Variants in CCDC66 observed in about 807,000 individuals in gnomAD.
CCDC66 encodes coiled-coil domain-containing protein 66.
A neutral mutation model predicts 128.3 loss-of-function variants in CCDC66; 133 were observed. That is an observed-to-expected ratio of 1.04 (90% CI 0.90 to 1.20). The LOEUF (loss-of-function observed/expected upper bound fraction) is 1.20. Ranked by LOEUF, CCDC66 falls within the 50% of genes most tolerant of loss-of-function variation. The probability of loss-of-function intolerance (pLI) is 0.00; values close to 1 mark genes in which losing one functional copy is unlikely to be tolerated. For synonymous variants in CCDC66, 387 were observed against 357.0 expected, an observed-to-expected ratio of 1.08 and a Z score of -0.95; for missense variants, 1,126 against 1,075.5, an observed-to-expected ratio of 1.05 and a Z score of -0.66.
intron 3 of CCDC66, chr3:56,561,466 A>C (rs888588390): frequency 8.8e-5 from 29 of 329,978 alleles, no homozygotes; most frequent in South Asian, 5.8e-4. Flanking sequence ...AAGGTGTTTT[A>C]GAATTTTTTT....
rs372384637 is a variant in CCDC66 at position 56,593,063 on chromosome 3, C to A, written c.1030C>A (p.Arg344Ser). ...GTTGAATAAGCAAATAGAAGATGAC[C>A]GTCAAAGAAAAATAGAGGAAAAAAT... ...EELNKQIEDD[R>S]QRKIEEKIIY... The change falls in exon 8 of 18, where the codon CGT (arginine) becomes AGT (serine). Residue 344 changes from arginine (R) to serine (S), a missense_variant. Coordinates refer to ENST00000394672, the MANE Select transcript of CCDC66 (RefSeq NM_001141947.3). The A allele has an allele frequency of 6.2e-7, 1 of 1,603,396 alleles. No individual in the cohort carries two copies. Among genetic ancestry groups the A allele is most frequent in the Non-Finnish European group, 8.5e-7 (1 of 1,174,260 alleles).
intron 7 of CCDC66, among the ~76,000 whole-genome samples, chr3:56,581,007 T>C (rs2068264874): frequency 6.6e-6 from 1 of 151,890 alleles, no homozygotes; most frequent in Admixed American, 6.6e-5. Context: ...CAGAGTGTTT[T>C]CCAACTTGGT....
At chr3:56,587,645 C>T (rs747904157) in intron 7 of CCDC66, among the ~76,000 whole-genome samples, 55 of 152,110 alleles carry the variant, frequency 3.6e-4, no homozygotes, top group East Asian at 7.7e-4. Flanking sequence ...CCTAGGCAGG[C>T]GGATTACCTG....
chr3:56,594,198 A>T (rs73081854), intron 10 of CCDC66, among the ~76,000 whole-genome samples, 170 bp downstream of exon 10: 58,066 of 152,030 alleles, frequency 0.38, 13,685 homozygotes, highest in Non-Finnish European at 0.54. Context: ...TATTAGAATT[A>T]GCTTATCAAA....
chr3:56,595,183 G>A (rs190158637), intron 10 of CCDC66, among the ~76,000 whole-genome samples: 6 of 152,246 alleles, frequency 3.9e-5, no homozygotes, highest in Admixed American at 6.5e-5. Flanking sequence ...TGTAGAATGC[G>A]TAATGATTCA....
At chr3:56,557,805 A>G (rs541150029) in intron 1 of CCDC66, 1 of 152,976 alleles carries the variant, frequency 6.5e-6, no homozygotes, top group South Asian at 2.0e-4. Context: ...CATCACTCGC[A>G]AGTTTGATAT....
rs539235843 is a variant in CCDC66 at position 56,566,525 on chromosome 3, A to G, written c.545-69A>G. On this transcript the variant is annotated intron_variant, in intron 4 of 17. Coordinates refer to ENST00000394672, the MANE Select transcript of CCDC66 (RefSeq NM_001141947.3). ...CGTGTAAGACATGTAAGAACTGTAT[A>G]GCACTATGCCAAGTATTATAACAGA... 1.4e-4 allele frequency: 146 copies of G among 1,013,766 alleles called. 1 individual carries two copies. The South Asian group carries it at 2.1e-3, about 14-fold the overall frequency. 62.8% of individuals were successfully genotyped at this position (1,013,766 alleles called of 1,614,324 possible).
At chr3:56,605,977 G>T (rs1465567112) in intron 10 of CCDC66, among the ~76,000 whole-genome samples, 2 of 152,062 alleles carry the variant, frequency 1.3e-5, no homozygotes, top group African/African-American at 4.8e-5. Flanking sequence ...GTCCAAAGAG[G>T]AGGAATCTAG....
chr3:56,583,391 A>G (rs1051141914), intron 7 of CCDC66, among the ~76,000 whole-genome samples: 1 of 151,882 alleles, frequency 6.6e-6, no homozygotes, highest in African/African-American at 2.4e-5. Flanking sequence ...AGGGAAGGTC[A>G]GCAGATAAAC....
intron 4 of CCDC66, among the ~76,000 whole-genome samples, chr3:56,565,473 A>C (rs945975068): frequency 6.3e-5 from 9 of 142,046 alleles, no homozygotes; most frequent in Non-Finnish European, 1.2e-4. Flanking sequence ...TTGTATTTTT[A>C]GTAGAGACGG....
Position 56,557,272 on chromosome 3 carries a change from G to T in CCDC66, c.11+19G>T. Reference sequence around the variant, plus strand: ...ACTTGGGGTAAGCAGGGGTAAGCTGGGGTAAGCTGGGGTAAGCAAGGTGGT... The same window carrying T: ...ACTTGGGGTAAGCAGGGGTAAGCTGTGGTAAGCTGGGGTAAGCAAGGTGGT... On this transcript the variant is annotated intron_variant, in intron 1 of 17. Transcript: ENST00000394672. The T allele has an allele frequency of 1.9e-6, 3 of 1,550,670 alleles. No individual in the cohort carries two copies. Among genetic ancestry groups the T allele is most frequent in the Non-Finnish European group, 1.7e-6 (2 of 1,146,580 alleles).
At chr3:56,558,269 C>T (rs1453973295) in intron 1 of CCDC66, among the ~76,000 whole-genome samples, 1 of 152,146 alleles carries the variant, frequency 6.6e-6, no homozygotes, top group African/African-American at 2.4e-5. Flanking sequence ...CCTTAACAGA[C>T]GTTCAAGTTT....
rs72877270 is a variant in CCDC66 at position 56,557,234 on chromosome 3, G to C, written c.-9G>C. ...TGAGCGTTCTGTGGAGAGAGTGCGAGGTCAGGCCATGAACTTGGGGTAAGC... is the reference window on the plus strand; with the variant it reads ...TGAGCGTTCTGTGGAGAGAGTGCGACGTCAGGCCATGAACTTGGGGTAAGC... On this transcript the variant is annotated 5_prime_UTR_variant, in exon 1 of 18. Transcript: ENST00000394672. 3 of 1,479,084 alleles carry C rather than the reference G, an allele frequency of 2.0e-6. No individual in the cohort carries two copies. The African/African-American group carries it at 4.3e-5, about 21-fold the overall frequency. 91.6% of individuals were successfully genotyped at this position (1,479,084 alleles called of 1,614,324 possible).
At chr3:56,563,228 G>A (rs979165223) in intron 3 of CCDC66, among the ~76,000 whole-genome samples, 5 of 151,942 alleles carry the variant, frequency 3.3e-5, no homozygotes, top group Admixed American at 6.6e-5. Context: ...AGGCTTGGTG[G>A]TGGGCACCTG....
Position 56,593,977 on chromosome 3 carries a change from A to C in CCDC66, c.1353A>C (p.Pro451=). The C allele has an allele frequency of 6.2e-7, 1 of 1,614,194 alleles. No homozygotes were observed. The highest frequency in any genetic ancestry group is 8.5e-7 in the Non-Finnish European group (1 of 1,180,030). Reference sequence around the variant, plus strand: ...GTTCTATGACTGCTCTCTTGGACCCAGCTCAGATTGAGGAACGAGACAGAC... The same window carrying C: ...GTTCTATGACTGCTCTCTTGGACCCCGCTCAGATTGAGGAACGAGACAGAC... ...FLRSMTALLD[P]AQIEERDRRR... is the part of the protein sequence containing the mutation. The change falls in exon 10 of 18, where the codon CCA becomes CCC. Residue 451 remains proline, a synonymous_variant. Coordinates refer to ENST00000394672, the MANE Select transcript of CCDC66 (RefSeq NM_001141947.3).
intron 3 of CCDC66, among the ~76,000 whole-genome samples, chr3:56,562,831 G>C (rs1454006875): frequency 1.3e-5 from 2 of 150,474 alleles, no homozygotes; most frequent in Non-Finnish European, 3.0e-5. Context: ...TTTTTTAGTA[G>C]AGATGGTGTT....
chr3:56,571,090 G>A (rs928413392), intron 6 of CCDC66, 91 bp from the exon 7 acceptor site: 3 of 895,744 alleles, frequency 3.3e-6, no homozygotes, highest in Non-Finnish European at 1.7e-6. Context: ...TTAGATCTGT[G>A]TTGGTATCTG....
intron 7 of CCDC66, among the ~76,000 whole-genome samples, chr3:56,582,267 G>A (rs904073027): frequency 3.3e-5 from 5 of 151,870 alleles, no homozygotes; most frequent in African/African-American, 9.7e-5. Context: ...TTGGAAAAGC[G>A]CAGTATTAGG....
chr3:56,614,394 G>A (rs1241815906), intron 11 of CCDC66, among the ~76,000 whole-genome samples: 1 of 152,106 alleles, frequency 6.6e-6, no homozygotes, highest in Non-Finnish European at 1.5e-5. Flanking sequence ...TATGTTAAGA[G>A]AAATGATTGG....
Sources: allele counts gnomAD v4.1 joint callset (sites outside exome capture counted in the v4.1 genomes callset), GRCh38; gene constraint gnomAD v4.1.1; transcripts MANE v1.5; gene names NCBI Gene and HGNC (gene_info 2026-07-23, HGNC 2026-07-21).